LOXL2: variants seen among roughly 807,000 people sequenced by gnomAD.
The protein encoded by LOXL2 is lysyl oxidase like 2.
LOXL2 carries 70 observed loss-of-function variants against 93.0 expected under a neutral mutation model. The observed-to-expected ratio is 0.75, with a 90% CI of 0.62 to 0.92. LOXL2 has a LOEUF of 0.92. LOXL2 is among the 40% of genes least tolerant of loss of function. LOXL2 has a pLI of 0.00. For missense variants in LOXL2, 973 were observed against 1,054.9 expected (o/e 0.92, Z 1.08); for synonymous variants, 438 against 413.2 (o/e 1.06, Z -0.73).
Position 23,337,807 on chromosome 8 carries a change from G to A in LOXL2, c.743+3185C>T, listed in dbSNP as rs182433795. On this transcript the variant is annotated intron_variant, in intron 4 of 13. Transcript: ENST00000389131. ...AGGTACATGCATTGCACCCCAGCCC[G>A]GTGTGGAAGTCAGTGCCACGGCCAC... 4.1e-3 allele frequency among the ~76,000 whole-genome samples: 630 copies of A among 152,252 alleles called. 4 individuals carry two copies. Among genetic ancestry groups the A allele is most frequent in the African/African-American group, 0.014 (588 of 41,546 alleles).
chr8:23,342,729 CCTTTT>C (rs1350639122), intron 3 of LOXL2, among the ~76,000 whole-genome samples: 2 of 151,910 alleles, frequency 1.3e-5, no homozygotes, highest in Non-Finnish European at 2.9e-5. Context: ...CCGTGCCCGG[CCTTTT>C]TTTTCTTTTA....
At chr8:23,340,791 C>T (rs552332050) in intron 4 of LOXL2, among the ~76,000 whole-genome samples, 3 of 152,296 alleles carry the variant, frequency 2.0e-5, no homozygotes, top group African/African-American at 7.2e-5. Flanking sequence ...TGTGTGAGTT[C>T]CTTAAGGGTA....
chr8:23,364,047 G>C (rs771772008), intron 2 of LOXL2: 2 of 152,052 alleles, frequency 1.3e-5, no homozygotes, highest in Admixed American at 6.6e-5. Flanking sequence ...GCTAATTTTT[G>C]TATTTTTTGG....
Position 23,385,500 on chromosome 8 carries a change from T to G in LOXL2, c.-83-17066A>C, listed in dbSNP as rs148070890. On this transcript the variant is annotated intron_variant, in intron 1 of 13. Transcript: ENST00000389131. ...GTCTTGAACTCCTGACCTTAAGTGA[T>G]CCGCCCGGCTCAGCCTCCCAAAGTG... is the stretch of plus-strand genomic sequence containing the variant. Among the ~76,000 whole-genome samples, 385 of 151,800 alleles carry G rather than the reference T, an allele frequency of 2.5e-3. 1 individual carries two copies. Among genetic ancestry groups the G allele is most frequent in the African/African-American group, 9.0e-3 (373 of 41,380 alleles).
chr8:23,352,679 T>C (rs1045424700), intron 3 of LOXL2, among the ~76,000 whole-genome samples: 1 of 152,018 alleles, frequency 6.6e-6, no homozygotes, highest in African/African-American at 2.4e-5. Context: ...TCAGTCTCTG[T>C]GGTTAAGATG....
Position 23,368,301 on chromosome 8 carries a change from G to C in LOXL2, c.51C>G (p.Ala17=). 6.2e-7 allele frequency: 1 copy of C among 1,613,280 alleles called. No homozygotes were observed. The change falls in exon 2 of 14, where the codon GCC becomes GCG. Residue 17 remains alanine, a synonymous_variant. Coordinates refer to ENST00000389131, the MANE Select transcript of LOXL2 (RefSeq NM_002318.3). The part of the protein sequence containing the change: ...SHLCSCLAML[A]LLSPLSLAQY... ...GTGCCAGGCTCAGGGGGGACAGGAG[G>C]GCCAGCATAGCCAGGCAGCTGCAGA... is the stretch of plus-strand genomic sequence containing the variant.
chr8:23,390,145 C>A (rs185211074), intron 1 of LOXL2, among the ~76,000 whole-genome samples: 2 of 152,314 alleles, frequency 1.3e-5, no homozygotes, highest in African/African-American at 4.8e-5. Flanking sequence ...CTTGGACCAA[C>A]AGGAGAGATG....
intron 3 of LOXL2, among the ~76,000 whole-genome samples, chr8:23,352,410 A>G (rs1044911536): frequency 6.6e-6 from 1 of 152,140 alleles, no homozygotes; most frequent in Non-Finnish European, 1.5e-5. Context: ...AGGTGAAAAT[A>G]GGCCCCCTTT....
In LOXL2 at chr8:23,296,986, A is replaced by G. The variant is rs1803038537; in HGVS notation, c.*1057T>C. Among the ~76,000 whole-genome samples, 1 of 152,146 alleles carries G rather than the reference A, an allele frequency of 6.6e-6. No homozygotes were observed. The highest frequency in any genetic ancestry group is 2.4e-5 in the African/African-American group (1 of 41,442). ...GATCTCCTTAGATTGCTTCTCCCAG[A>G]TGGTAGGAGCTGCCCCTTTTGGAGT... On this transcript the variant is annotated 3_prime_UTR_variant, in exon 14 of 14. Transcript: ENST00000389131.
chr8:23,341,769 C>T (rs79282511), intron 3 of LOXL2, among the ~76,000 whole-genome samples: 1 of 152,160 alleles, frequency 6.6e-6, no homozygotes, highest in African/African-American at 2.4e-5. Flanking sequence ...CTTCAAAAAT[C>T]CTTAGAGAGG....
chr8:23,373,875 T>G (rs1004469200), intron 1 of LOXL2, among the ~76,000 whole-genome samples: 41 of 146,044 alleles, frequency 2.8e-4, no homozygotes, highest in African/African-American at 1.0e-3. Context: ...CCCACCCCCA[T>G]CCCCCAAGGG....
rs112042952 is a variant in LOXL2 at position 23,353,875 on chromosome 8, C to T, written c.531+6215G>A. On this transcript the variant is annotated intron_variant, in intron 3 of 13. Transcript: ENST00000389131. ...GGGATTGAATTCAACTCACTCGACA[C>T]TTGCCCAGTTGTTCTGGATGCTGGT... Among the ~76,000 whole-genome samples, 1,302 of 152,332 alleles carry T rather than the reference C, an allele frequency of 8.5e-3. 24 individuals are homozygous for T. The highest frequency in any genetic ancestry group is 0.03 in the African/African-American group (1,233 of 41,576).
intron 11 of LOXL2, 69 bp from the exon 12 acceptor site, chr8:23,302,232 T>G: frequency 1.3e-6 from 2 of 1,590,438 alleles, no homozygotes; most frequent in Middle Eastern, 1.7e-4. Flanking sequence ...CTCTTCCTGC[T>G]TCCAAGGCCC....
intron 9 of LOXL2, among the ~76,000 whole-genome samples, chr8:23,310,671 A>G (rs1281708361): frequency 6.6e-6 from 1 of 152,206 alleles, no homozygotes; most frequent in East Asian, 1.9e-4. Context: ...GCTAGGAGAA[A>G]GCATTGTCTG....
At chr8:23,384,392 G>C (rs1001641439) in intron 1 of LOXL2, among the ~76,000 whole-genome samples, 1 of 152,178 alleles carries the variant, frequency 6.6e-6, no homozygotes, top group Admixed American at 6.5e-5. Flanking sequence ...CTGAGGCAGT[G>C]AGCGTTGCTG....
intron 4 of LOXL2, among the ~76,000 whole-genome samples, chr8:23,340,523 A>G (rs375120302): frequency 6.6e-6 from 1 of 152,220 alleles, no homozygotes; most frequent in Non-Finnish European, 1.5e-5. Context: ...TGCACGGACC[A>G]GTGTCTCAAT....
At chr8:23,301,992 C>T in intron 12 of LOXL2, 35 bp downstream of exon 12, 2 of 1,612,384 alleles carry the variant, frequency 1.2e-6, no homozygotes, top group Non-Finnish European at 1.7e-6. Flanking sequence ...CCCTCCTCCC[C>T]CTGCAGGGCT....
In LOXL2 at chr8:23,333,566, G is replaced by A. The variant is rs1803740997; in HGVS notation, c.801C>T (p.Gly267=). 3.1e-6 allele frequency: 5 copies of A among 1,613,924 alleles called. No individual in the cohort carries two copies. The East Asian group carries it at 8.9e-5, about 29-fold the overall frequency. ...TGCAGCTGGAGATGTGGGCCTCTGTGCCGGTGCAGTCCATGGAGAATGGCC... is the reference window on the plus strand; with the variant it reads ...TGCAGCTGGAGATGTGGGCCTCTGTACCGGTGCAGTCCATGGAGAATGGCC... The part of the protein sequence containing the change: ...RYWPFSMDCT[G]TEAHISSCKL... The change falls in exon 5 of 14, where the codon GGC becomes GGT. Residue 267 remains glycine (G), a synonymous_variant. Coordinates refer to ENST00000389131, the MANE Select transcript of LOXL2 (RefSeq NM_002318.3).
chr8:23,320,098 G>A, intron 7 of LOXL2, 46 bp from the exon 8 acceptor site: 1 of 1,598,480 alleles, frequency 6.3e-7, no homozygotes, highest in Non-Finnish European at 8.5e-7. Context: ...GGACAAGGGA[G>A]CTTCCCCCCT....
Sources: gnomAD v4.1 joint callset for allele counts (sites outside exome capture counted in the v4.1 genomes callset) on GRCh38, gnomAD v4.1.1 for gene constraint, MANE v1.5 for transcripts, NCBI Gene and HGNC (gene_info 2026-07-23, HGNC 2026-07-21) for gene names.